The following GALNT13 variants were observed in gnomAD, a reference collection of about 807,000 sequenced individuals.
GALNT13 encodes the protein UDP-GalNAc:polypeptide N-acetylgalactosaminyltransferase 13.
A neutral mutation model predicts 64.2 loss-of-function variants in GALNT13; 28 were observed. The observed-to-expected ratio is 0.44, with a 90% confidence interval of 0.32 to 0.60. GALNT13 has a LOEUF of 0.60. Among genes scored for constraint, GALNT13 ranks in the 20% least tolerant of loss-of-function variants. GALNT13 has a pLI of 0.05. For missense variants in GALNT13, 577 were observed against 669.8 expected, an observed-to-expected ratio of 0.86 and a Z score of 1.53; for synonymous variants, 214 against 224.6, an observed-to-expected ratio of 0.95 and a Z score of 0.42.
chr2:153,688,708 T>A, the GALNT13 span, among the ~76,000 whole-genome samples: 1 of 152,050 alleles, frequency 6.6e-6, no homozygotes, highest in Non-Finnish European at 1.5e-5. Flanking sequence ...ATTATGTTAC[T>A]TATTTATATC....
the GALNT13 span, among the ~76,000 whole-genome samples, chr2:153,270,669 T>A: frequency 6.6e-6 from 1 of 152,030 alleles, no homozygotes; most frequent in East Asian, 1.9e-4. Flanking sequence ...GAGACCAGCG[T>A]GAGAAATCCT....
intron 9 of GALNT13, among the ~76,000 whole-genome samples, chr2:154,306,620 G>GA (rs915390912): frequency 6.7e-6 from 1 of 149,748 alleles, no homozygotes; most frequent in Non-Finnish European, 1.5e-5. Flanking sequence ...TAATTTGGTG[G>GA]GGGGGGGGTC....
chr2:153,770,963 G>T, the GALNT13 span, among the ~76,000 whole-genome samples: 1 of 152,200 alleles, frequency 6.6e-6, no homozygotes, highest in East Asian at 1.9e-4. Flanking sequence ...TGCATGGGAA[G>T]GGGGGTGGCC....
the GALNT13 span, among the ~76,000 whole-genome samples, chr2:153,247,125 A>T: frequency 6.6e-6 from 1 of 152,218 alleles, no homozygotes; most frequent in Non-Finnish European, 1.5e-5. Context: ...ATACAGAAGC[A>T]CCTAGATTCA....
the GALNT13 span, among the ~76,000 whole-genome samples, chr2:153,434,857 T>G: frequency 0.65 from 97,854 of 151,652 alleles, 32,386 homozygotes; most frequent in Non-Finnish European, 0.72. Flanking sequence ...GTCAATTTTG[T>G]CTTTTGTTGC....
intron 3 of GALNT13, among the ~76,000 whole-genome samples, chr2:154,000,486 A>T (rs546662832): frequency 5.9e-5 from 9 of 152,010 alleles, no homozygotes; most frequent in African/African-American, 2.2e-4. Context: ...TGTATCTCAT[A>T]GGTTTTGGTA....
intron 2 of GALNT13, among the ~76,000 whole-genome samples, chr2:153,942,138 G>C (rs1691382219): frequency 6.6e-6 from 1 of 151,808 alleles, no homozygotes; most frequent in African/African-American, 2.4e-5. Flanking sequence ...ATCTTTTCTT[G>C]AACGATTTTT....
chr2:153,202,398 C>T, the GALNT13 span, among the ~76,000 whole-genome samples: 1 of 152,154 alleles, frequency 6.6e-6, no homozygotes, highest in African/African-American at 2.4e-5. Flanking sequence ...TTCATAAATA[C>T]TACCAAAAAT....
chr2:153,281,320 G>GT, the GALNT13 span, among the ~76,000 whole-genome samples: 816 of 148,682 alleles, frequency 5.5e-3, 5 homozygotes, highest in Non-Finnish European at 9.0e-3. Context: ...TGAGCCTTGC[G>GT]TTTTTTTTTT....
the GALNT13 span, among the ~76,000 whole-genome samples, chr2:153,562,056 C>G: frequency 8.6e-5 from 8 of 92,896 alleles, no homozygotes; most frequent in African/African-American, 2.7e-4. Flanking sequence ...CTCTCTCTCT[C>G]TCTCTGTGTG....
the GALNT13 span, among the ~76,000 whole-genome samples, chr2:153,211,195 T>C: frequency 1.3e-5 from 2 of 151,412 alleles, no homozygotes; most frequent in African/African-American, 4.9e-5. Context: ...CAGGCTGGAG[T>C]GTAGTGGCAT....
At chr2:153,068,594 C>T in the GALNT13 span, among the ~76,000 whole-genome samples, 104 of 152,250 alleles carry the variant, frequency 6.8e-4, no homozygotes, top group African/African-American at 2.0e-3. Flanking sequence ...TTACCTACAG[C>T]ATTTGGTGTG....
rs551412140 is a variant in GALNT13, at chr2:154,153,053, T to G, written c.311+12548T>G. ...TTTTCTGCTCTGTTTTTTCCCCATC[T>G]TTGTGGTTTTATCTACTTCTGGTCT... is the stretch of plus-strand genomic sequence containing the variant. On this transcript the variant is annotated intron_variant, in intron 4 of 12. Coordinates refer to ENST00000392825, the MANE Select transcript of GALNT13 (RefSeq NM_052917.4). Among the ~76,000 whole-genome samples the G allele has an allele frequency of 2.8e-4, 43 of 152,302 alleles. No individual in the cohort carries two copies. In the South Asian group the frequency reaches 8.1e-3, roughly 29 times the overall value.
chr2:153,199,126 G>A, the GALNT13 span, among the ~76,000 whole-genome samples: 1 of 152,214 alleles, frequency 6.6e-6, no homozygotes, highest in Non-Finnish European at 1.5e-5. Context: ...GATCATCCCA[G>A]GTTTCTTGGG....
chr2:153,829,851 G>C, the GALNT13 span, among the ~76,000 whole-genome samples: 2 of 152,148 alleles, frequency 1.3e-5, no homozygotes, highest in African/African-American at 4.8e-5. Context: ...ATATTTAGAA[G>C]AGACTTAATT....
At chr2:153,536,153 G>A in the GALNT13 span, among the ~76,000 whole-genome samples, 1 of 152,152 alleles carries the variant, frequency 6.6e-6, no homozygotes, top group African/African-American at 2.4e-5. Flanking sequence ...GAAGCATGAG[G>A]GTTTTCTTTT....
chr2:153,246,790 C>A, the GALNT13 span, among the ~76,000 whole-genome samples: 2 of 152,170 alleles, frequency 1.3e-5, no homozygotes, highest in Non-Finnish European at 2.9e-5. Context: ...CAAATTCATA[C>A]ATAACAATGT....
chr2:153,998,559 G>A (rs989174987), intron 3 of GALNT13, among the ~76,000 whole-genome samples: 1 of 152,030 alleles, frequency 6.6e-6, no homozygotes. Flanking sequence ...TTGCCAGATG[G>A]ATAGATTGCA....
At chr2:154,281,305 C>T (rs1691949521) in intron 8 of GALNT13, among the ~76,000 whole-genome samples, 1 of 152,108 alleles carries the variant, frequency 6.6e-6, no homozygotes, top group East Asian at 1.9e-4. Flanking sequence ...TATATTCATA[C>T]ATTTTATTTA....
Sources: gnomAD v4.1 joint callset for allele counts (sites outside exome capture counted in the v4.1 genomes callset) on GRCh38, gnomAD v4.1.1 for gene constraint, MANE v1.5 for transcripts, NCBI Gene and HGNC (gene_info 2026-07-23, HGNC 2026-07-21) for gene names.